IQCJ: variants seen among roughly 807,000 people sequenced by gnomAD.
IQCJ encodes IQ motif containing J.
IQCJ carries 9 observed loss-of-function variants against 11.0 expected under a neutral mutation model. That is an observed-to-expected ratio of 0.82 (90% CI 0.49 to 1.43). The LOEUF is 1.43. Among genes scored for constraint, IQCJ ranks in the 40% most tolerant of loss-of-function variants. The pLI is 0.00. For missense variants in IQCJ, 146 were observed against 133.2 expected, an observed-to-expected ratio of 1.10 and a Z score of -0.47; for synonymous variants, 55 against 51.3, an observed-to-expected ratio of 1.07 and a Z score of -0.31.
intron 1 of IQCJ, among the ~76,000 whole-genome samples, chr3:159,168,953 C>A (rs570240529): frequency 7.0e-6 from 1 of 143,378 alleles, no homozygotes; most frequent in African/African-American, 2.5e-5. Context: ...CCATCATTCT[C>A]ATGACGATGA....
intron 3 of IQCJ, 21 bp from the exon 4 acceptor site, chr3:159,262,527 T>C (rs1191514720): frequency 5.0e-6 from 8 of 1,602,490 alleles, no homozygotes; most frequent in African/African-American, 1.3e-5. Context: ...TGCTGTTTTT[T>C]GTTTTGTTTT....
rs1015632055 is a variant in IQCJ at position 159,095,463 on chromosome 3, A to G, written c.9+26022A>G. Among the ~76,000 whole-genome samples the G allele has an allele frequency of 3.5e-5, 5 of 141,716 alleles. 1 individual carries two copies. Among genetic ancestry groups the G allele is most frequent in the East Asian group, 2.1e-4 (1 of 4,666 alleles). 93.0% of individuals were successfully genotyped at this position (141,716 alleles called of 152,430 possible). A position where few individuals can be genotyped will look rare whatever the true frequency, so the allele number is the denominator to read the frequency against. On this transcript the variant is annotated intron_variant, in intron 1 of 3. Coordinates refer to ENST00000397832, the MANE Select transcript of IQCJ (RefSeq NM_001042706.3). ...TGTGCCATGCTGGTGCGCTGCACCCACTAGTGTGTCATCTAGCATTAGGTA... is the reference window on the plus strand; with the variant it reads ...TGTGCCATGCTGGTGCGCTGCACCCGCTAGTGTGTCATCTAGCATTAGGTA...
At chr3:159,180,085 G>A (rs1373987357) in intron 1 of IQCJ, among the ~76,000 whole-genome samples, 5 of 152,206 alleles carry the variant, frequency 3.3e-5, no homozygotes, top group African/African-American at 7.2e-5. Context: ...TGTGAAGGTC[G>A]TGGGACCTGA....
intron 1 of IQCJ, among the ~76,000 whole-genome samples, chr3:159,155,736 A>G (rs576278714): frequency 6.6e-6 from 1 of 152,350 alleles, no homozygotes; most frequent in South Asian, 2.1e-4. Context: ...AAAGGATTGT[A>G]GAAACTAAAT....
At chr3:159,090,598 G>C (rs538609400) in intron 1 of IQCJ, among the ~76,000 whole-genome samples, 2 of 151,756 alleles carry the variant, frequency 1.3e-5, no homozygotes, top group African/African-American at 4.9e-5. Context: ...AGGCACATAT[G>C]GGTGTGTCAT....
chr3:159,120,789 A>G (rs1026645129), intron 1 of IQCJ, among the ~76,000 whole-genome samples: 1 of 152,224 alleles, frequency 6.6e-6, no homozygotes, highest in African/African-American at 2.4e-5. Context: ...TTCTTATGTC[A>G]TAAGGAGTAT....
chr3:159,189,920 G>A (rs915434575), intron 1 of IQCJ, among the ~76,000 whole-genome samples: 1 of 152,014 alleles, frequency 6.6e-6, no homozygotes, highest in Non-Finnish European at 1.5e-5. Flanking sequence ...CTTATGCTAG[G>A]GTTCTTCAAA....
At chr3:159,085,757 A>T (rs1716709863) in intron 1 of IQCJ, among the ~76,000 whole-genome samples, 1 of 150,318 alleles carries the variant, frequency 6.7e-6, no homozygotes, top group East Asian at 2.0e-4. Flanking sequence ...CCACTTTTTG[A>T]TGGGGTTGTT....
chr3:159,244,961 A>G (rs769499865), intron 1 of IQCJ, among the ~76,000 whole-genome samples: 29 of 152,192 alleles, frequency 1.9e-4, no homozygotes, highest in Non-Finnish European at 3.7e-4. Context: ...CTTCCCAGGA[A>G]CAGAGTTCTG....
At chr3:159,183,572 C>T (rs1470427278) in intron 1 of IQCJ, among the ~76,000 whole-genome samples, 1 of 152,282 alleles carries the variant, frequency 6.6e-6, no homozygotes, top group South Asian at 2.1e-4. Flanking sequence ...GTTAGCTAGG[C>T]TTGACAGTAA....
chr3:159,111,470 T>G (rs1718628053), intron 1 of IQCJ, among the ~76,000 whole-genome samples: 1 of 152,188 alleles, frequency 6.6e-6, no homozygotes, highest in African/African-American at 2.4e-5. Flanking sequence ...TGGGGTTACA[T>G]GTGTGTTCTG....
intron 1 of IQCJ, among the ~76,000 whole-genome samples, chr3:159,196,898 C>T (rs774719622): frequency 2.6e-5 from 4 of 152,114 alleles, no homozygotes; most frequent in East Asian, 1.9e-4. Flanking sequence ...ACATAGATAT[C>T]GCCATCCATT....
intron 1 of IQCJ, among the ~76,000 whole-genome samples, chr3:159,216,605 T>C (rs1419469586): frequency 5.9e-5 from 9 of 152,186 alleles, no homozygotes; most frequent in Non-Finnish European, 1.3e-4. Flanking sequence ...ATGGTGCCCT[T>C]TGTTTCCTGC....
intron 1 of IQCJ, among the ~76,000 whole-genome samples, chr3:159,153,577 T>G (rs1377323034): frequency 6.6e-6 from 1 of 152,238 alleles, no homozygotes; most frequent in African/African-American, 2.4e-5. Flanking sequence ...CTAGTTGTAT[T>G]TACTTTTGGA....
intron 1 of IQCJ, among the ~76,000 whole-genome samples, chr3:159,071,903 C>T (rs190576636): frequency 1.3e-5 from 2 of 152,228 alleles, no homozygotes; most frequent in Non-Finnish European, 2.9e-5. Flanking sequence ...GTGACCAGGA[C>T]TGTCTTAACA....
At chr3:159,173,684 G>A (rs1474037148) in intron 1 of IQCJ, among the ~76,000 whole-genome samples, 3 of 152,088 alleles carry the variant, frequency 2.0e-5, no homozygotes, top group South Asian at 4.1e-4. Context: ...CTGCTGCAGC[G>A]AAGTTTGCTG....
At chr3:159,199,135 C>T (rs560768904) in intron 1 of IQCJ, among the ~76,000 whole-genome samples, 2 of 152,074 alleles carry the variant, frequency 1.3e-5, no homozygotes, top group African/African-American at 4.8e-5. Flanking sequence ...GGTTTTGATA[C>T]CTTAATCTTC....
chr3:159,234,310 A>G (rs962158528), intron 1 of IQCJ, among the ~76,000 whole-genome samples: 8 of 152,236 alleles, frequency 5.3e-5, no homozygotes, highest in Non-Finnish European at 1.0e-4. Flanking sequence ...AGTAGTAATA[A>G]AAATAGTTCA....
intron 1 of IQCJ, among the ~76,000 whole-genome samples, chr3:159,207,697 G>A (rs538036929): frequency 6.6e-6 from 1 of 152,062 alleles, no homozygotes; most frequent in Non-Finnish European, 1.5e-5. Flanking sequence ...CAGTGTTTAG[G>A]GAATACAGCA....
Sources: allele counts gnomAD v4.1 joint callset (sites outside exome capture counted in the v4.1 genomes callset), GRCh38; gene constraint gnomAD v4.1.1; transcripts MANE v1.5; gene names NCBI Gene and HGNC (gene_info 2026-07-23, HGNC 2026-07-21).